Variants in MRPL48 observed in about 807,000 individuals in gnomAD.
MRPL48 encodes the protein mitochondrial ribosomal protein L48.
Under a neutral mutation model 32.9 loss-of-function variants are expected in MRPL48, and 16 were observed. The observed-to-expected ratio is 0.49, with a 90% confidence interval of 0.33 to 0.74. The LOEUF (loss-of-function observed/expected upper bound fraction) is 0.74, where lower values mean the gene tolerates loss of function less well. Among genes scored for constraint, MRPL48 ranks in the 30% least tolerant of loss-of-function variants. MRPL48 has a pLI of 0.02. For missense variants in MRPL48, 206 were observed against 245.3 expected, an observed-to-expected ratio of 0.84 and a Z score of 1.07; for synonymous variants, 94 against 89.2, an observed-to-expected ratio of 1.05 and a Z score of -0.31.
At chr11:73,858,949 T>C (rs1388198384) in intron 5 of MRPL48, among the ~76,000 whole-genome samples, 1 of 152,226 alleles carries the variant, frequency 6.6e-6, no homozygotes, top group African/African-American at 2.4e-5. Context: ...GTAGACTTGC[T>C]GAAGCTGATT....
chr11:73,820,884 A>G (rs1286584781), intron 3 of MRPL48, among the ~76,000 whole-genome samples: 1 of 152,064 alleles, frequency 6.6e-6, no homozygotes, highest in African/African-American at 2.4e-5. Flanking sequence ...TTCAGTTAAA[A>G]TCTCATTTTT....
At chr11:73,790,289 T>G (rs1452186579) in intron 1 of MRPL48, among the ~76,000 whole-genome samples, 1 of 150,182 alleles carries the variant, frequency 6.7e-6, no homozygotes, top group African/African-American at 2.5e-5. Context: ...CAGGATGGTC[T>G]CTATCTCCTG....
Position 73,859,998 on chromosome 11 carries a change from C to T in MRPL48, c.463C>T (p.Arg155Ter), listed in dbSNP as rs137907774. Residue 155 changes from arginine (R) to a stop codon, truncating the protein, a stop_gained, in exon 6 of 8, where the codon CGA (arginine) becomes TGA (stop). Transcript: ENST00000310614. LOFTEE classifies it high-confidence loss of function. ...LLDSVLTTHERVVQISGLSAT... is the reference protein window; with the variant it reads ...LLDSVLTTHE ...GGACTCAGTGCTTACCACCCATGAGCGAGTGGTTCAGGTAGGCACTCCAGG... is the reference window on the plus strand; with the variant it reads ...GGACTCAGTGCTTACCACCCATGAGTGAGTGGTTCAGGTAGGCACTCCAGG... 29 of 1,613,168 alleles carry T rather than the reference C, an allele frequency of 1.8e-5. No individual in the cohort carries two copies. Among genetic ancestry groups the T allele is most frequent in the South Asian group, 8.8e-5 (8 of 90,946 alleles).
intron 2 of MRPL48, among the ~76,000 whole-genome samples, chr11:73,807,061 G>A (rs1947466735): frequency 6.6e-6 from 1 of 151,840 alleles, no homozygotes; most frequent in Admixed American, 6.6e-5. Flanking sequence ...GTAGAGATGG[G>A]GTTTCACCAT....
At chr11:73,853,941 C>T (rs1368088733) in intron 5 of MRPL48, among the ~76,000 whole-genome samples, 12 of 151,932 alleles carry the variant, frequency 7.9e-5, no homozygotes, top group East Asian at 5.8e-4. Flanking sequence ...CCGCCCACCT[C>T]GGCCTCCCAA....
At chr11:73,862,015 C>T (rs571041295) in intron 6 of MRPL48, among the ~76,000 whole-genome samples, 3 of 152,232 alleles carry the variant, frequency 2.0e-5, no homozygotes, top group Admixed American at 1.3e-4. Context: ...TGCCCGGGCA[C>T]GGTGGTTCAC....
chr11:73,797,950 T>A (rs928210495), intron 1 of MRPL48, among the ~76,000 whole-genome samples: 9 of 152,138 alleles, frequency 5.9e-5, no homozygotes, highest in African/African-American at 2.2e-4. Flanking sequence ...CAAACACAAA[T>A]TTGTGTTTGG....
intron 4 of MRPL48, among the ~76,000 whole-genome samples, chr11:73,834,426 C>T (rs1321875451): frequency 6.6e-6 from 1 of 152,138 alleles, no homozygotes; most frequent in Admixed American, 6.5e-5. Context: ...ACTATGTTCA[C>T]ATTTCAGGCA....
rs1948635640 is a variant in MRPL48, at chr11:73,864,486, C to T, written c.*116C>T. 9.9e-7 allele frequency: 1 copy of T among 1,013,672 alleles called. No homozygotes were observed. Among genetic ancestry groups the T allele is most frequent in the Non-Finnish European group, 1.5e-6 (1 of 667,320 alleles). The allele number at this position is 1,013,672 out of a possible 1,614,324, so 62.8% of individuals were successfully genotyped here. A position where few individuals can be genotyped will look rare whatever the true frequency, so the allele number is the denominator to read the frequency against. On this transcript the variant is annotated 3_prime_UTR_variant, in exon 8 of 8. Coordinates refer to ENST00000310614, the MANE Select transcript of MRPL48 (RefSeq NM_016055.6). The stretch of plus-strand genomic sequence containing the variant: ...CCCTTAGATTTCATAAGTACCCATT[C>T]CCATAGCCAGTAATGTCCTCACTCC...
intron 1 of MRPL48, among the ~76,000 whole-genome samples, chr11:73,801,588 TA>T (rs1166693322): frequency 1.3e-5 from 2 of 152,204 alleles, no homozygotes; most frequent in African/African-American, 4.8e-5. Flanking sequence ...AGACTTTTCT[TA>T]AGTTTTATCT....
rs1590991746 is a variant in MRPL48, at chr11:73,845,000, G to A, written c.371+24G>A. ...AGGTATGAAGGATGCTTTTGTATGGGATGTTCTTGGTGTGGGTAGAATGCT... is the reference window on the plus strand; with the variant it reads ...AGGTATGAAGGATGCTTTTGTATGGAATGTTCTTGGTGTGGGTAGAATGCT... On this transcript the variant is annotated intron_variant, in intron 5 of 7. Coordinates refer to ENST00000310614, the MANE Select transcript of MRPL48 (RefSeq NM_016055.6). 8 of 1,593,188 alleles carry A rather than the reference G, an allele frequency of 5.0e-6. No homozygotes were observed. In the East Asian group the frequency reaches 1.6e-4, roughly 31 times the overall value.
chr11:73,813,425 C>T (rs1444399313), intron 3 of MRPL48, among the ~76,000 whole-genome samples: 1 of 152,280 alleles, frequency 6.6e-6, no homozygotes, highest in South Asian at 2.1e-4. Context: ...TCACCCACCT[C>T]GGCCTCCCAA....
At chr11:73,858,316 T>C (rs1948521337) in intron 5 of MRPL48, among the ~76,000 whole-genome samples, 1 of 152,268 alleles carries the variant, frequency 6.6e-6, no homozygotes. Flanking sequence ...CAATTACTTA[T>C]GTAATCTCAT....
chr11:73,809,381 G>A, intron 3 of MRPL48, among the ~76,000 whole-genome samples: 1 of 151,856 alleles, frequency 6.6e-6, no homozygotes, highest in East Asian at 1.9e-4. Flanking sequence ...GCACATGCCT[G>A]TAGTCCCAGC....
chr11:73,858,942 G>A (rs1325074436), intron 5 of MRPL48, among the ~76,000 whole-genome samples: 4 of 152,244 alleles, frequency 2.6e-5, no homozygotes, highest in Non-Finnish European at 5.9e-5. Context: ...GCAACACGTA[G>A]ACTTGCTGAA....
chr11:73,794,911 A>ATT (rs556425789), intron 1 of MRPL48, among the ~76,000 whole-genome samples: 16 of 102,290 alleles, frequency 1.6e-4, no homozygotes, highest in South Asian at 3.0e-4. Flanking sequence ...TGCCCAGCTA[A>ATT]TTTTTTTTTT....
At chr11:73,862,979 A>C (rs7926479) in intron 6 of MRPL48, among the ~76,000 whole-genome samples, 193 bp from the exon 7 acceptor site, 9,405 of 152,282 alleles carry the variant, frequency 0.062, 322 homozygotes, top group Middle Eastern at 0.11. Context: ...TTGGCAGTGA[A>C]CATCTCAGCA....
chr11:73,811,104 G>A (rs1291861759), intron 3 of MRPL48, among the ~76,000 whole-genome samples: 8 of 152,154 alleles, frequency 5.3e-5, no homozygotes. Flanking sequence ...GAGAAAACCT[G>A]GATAGTATAG....
chr11:73,828,755 C>CT (rs564348569), intron 4 of MRPL48, among the ~76,000 whole-genome samples: 4,733 of 139,830 alleles, frequency 0.034, 133 homozygotes, highest in African/African-American at 0.08. Flanking sequence ...CATCCCCCTT[C>CT]TTTTTTTTTT....
Sources: allele counts gnomAD v4.1 joint callset (sites outside exome capture counted in the v4.1 genomes callset), GRCh38; gene constraint gnomAD v4.1.1; transcripts MANE v1.5; gene names NCBI Gene and HGNC (gene_info 2026-07-23, HGNC 2026-07-21).